The following NRXN1 variants were observed in gnomAD, a reference collection of about 807,000 sequenced individuals.
NRXN1 encodes the protein neurexin 1, also known as neurexin-1.
In NRXN1, 39 loss-of-function variants were observed where a neutral mutation model predicts 150.9. That is an observed-to-expected ratio of 0.26 (90% CI 0.20 to 0.34). The LOEUF (loss-of-function observed/expected upper bound fraction) is 0.34. NRXN1 is among the 10% of genes least tolerant of loss of function. NRXN1 has a pLI of 1.00. For synonymous variants in NRXN1, 924 were observed against 757.0 expected, an observed-to-expected ratio of 1.22 and a Z score of -3.62; for missense variants, 1,815 against 1,949.9, an observed-to-expected ratio of 0.93 and a Z score of 1.30.
intron 13 of NRXN1, among the ~76,000 whole-genome samples, chr2:50,500,194 A>G (rs1307685352): frequency 1.3e-5 from 2 of 152,164 alleles, no homozygotes; most frequent in Admixed American, 6.5e-5. Context: ...CTAAAAGAGG[A>G]AAGACCAGTT....
chr2:50,781,727 T>C lies in NRXN1; in HGVS notation c.832+140142A>G, dbSNP rs192321627. Among the ~76,000 whole-genome samples, 24 of 152,376 alleles carry C rather than the reference T, an allele frequency of 1.6e-4. No individual in the cohort carries two copies. The South Asian group carries it at 2.1e-3, about 13-fold the overall frequency. ...TAAATATCAAGTTATTCTGGTATGA[T>C]TGGAAAGTAAATTCATCTAAAAATA... is the stretch of plus-strand genomic sequence containing the variant. On this transcript the variant is annotated intron_variant, in intron 5 of 22. Transcript: ENST00000401669.
At position 50,087,320 on chromosome 2, in the gene NRXN1, A is replaced by G. The variant is rs1251841991; in HGVS notation, c.3718+4003T>C. ...AAATATTTGTTGATTTAATATGTTAACTTGAGTATAAAACGAACATTTGAC... is the reference window on the plus strand; with the variant it reads ...AAATATTTGTTGATTTAATATGTTAGCTTGAGTATAAAACGAACATTTGAC... On this transcript the variant is annotated intron_variant, in intron 19 of 22. Coordinates refer to ENST00000401669, the MANE Select transcript of NRXN1 (RefSeq NM_001330078.2). 2.0e-5 allele frequency among the ~76,000 whole-genome samples: 3 copies of G among 152,232 alleles called. No homozygotes were observed. The East Asian group carries it at 5.8e-4, about 29-fold the overall frequency.
intron 18 of NRXN1, among the ~76,000 whole-genome samples, chr2:50,105,569 C>T (rs1337654039): frequency 6.6e-6 from 1 of 151,892 alleles, no homozygotes; most frequent in Non-Finnish European, 1.5e-5. Flanking sequence ...GAAAGATGTG[C>T]CTCAAGCTTC....
At chr2:50,560,811 T>A (rs1435515976) in intron 8 of NRXN1, among the ~76,000 whole-genome samples, 1 of 152,130 alleles carries the variant, frequency 6.6e-6, no homozygotes. Context: ...GATCTTTTTT[T>A]CCCCTGATCT....
At chr2:50,228,536 G>T (rs1329651831) in intron 18 of NRXN1, among the ~76,000 whole-genome samples, 4 of 152,014 alleles carry the variant, frequency 2.6e-5, no homozygotes, top group Non-Finnish European at 4.4e-5. Context: ...TGAGTAAGCA[G>T]TTGGAAATAT....
intron 8 of NRXN1, among the ~76,000 whole-genome samples, chr2:50,560,607 T>C (rs915605974): frequency 2.0e-5 from 3 of 152,064 alleles, no homozygotes; most frequent in Non-Finnish European, 4.4e-5. Flanking sequence ...TAATTTTGGA[T>C]TTTTAGTAGA....
intron 5 of NRXN1, among the ~76,000 whole-genome samples, chr2:50,630,727 T>C (rs1682146984): frequency 6.6e-6 from 1 of 151,768 alleles, no homozygotes. Context: ...TCAAAGATTA[T>C]GTTCAACATA....
At chr2:50,469,507 A>C (rs1049357580) in intron 16 of NRXN1, among the ~76,000 whole-genome samples, 2 of 151,522 alleles carry the variant, frequency 1.3e-5, no homozygotes, top group African/African-American at 4.8e-5. Flanking sequence ...ATGGAGCCTA[A>C]GTGATTCCAG....
intron 8 of NRXN1, among the ~76,000 whole-genome samples, chr2:50,602,056 T>C (rs1046096722): frequency 2.6e-5 from 4 of 152,218 alleles, no homozygotes; most frequent in Non-Finnish European, 4.4e-5. Context: ...TTTTCTCATT[T>C]TAAATAAGAC....
intron 17 of NRXN1, among the ~76,000 whole-genome samples, chr2:50,258,508 C>T (rs986380887): frequency 6.6e-6 from 1 of 152,022 alleles, no homozygotes; most frequent in African/African-American, 2.4e-5. Flanking sequence ...GCTATTTCTA[C>T]CACATCTGTA....
chr2:50,581,320 A>C (rs764838342), intron 8 of NRXN1, among the ~76,000 whole-genome samples: 28 of 152,202 alleles, frequency 1.8e-4, no homozygotes, highest in Non-Finnish European at 3.2e-4. Context: ...GTATCTATGC[A>C]TGCCAAAACC....
At chr2:50,049,042 C>T (rs1271041735) in intron 21 of NRXN1, among the ~76,000 whole-genome samples, 1 of 152,058 alleles carries the variant, frequency 6.6e-6, no homozygotes, top group African/African-American at 2.4e-5. Context: ...ACAAATTTTG[C>T]TCTGAATATA....
At chr2:50,698,987 C>T (rs2104944322) in intron 5 of NRXN1, among the ~76,000 whole-genome samples, 1 of 152,238 alleles carries the variant, frequency 6.6e-6, no homozygotes, top group East Asian at 1.9e-4. Context: ...CCTATACTAC[C>T]AATTGACAAT....
At chr2:50,503,028 C>A (rs569007443) in intron 13 of NRXN1, among the ~76,000 whole-genome samples, 2 of 152,100 alleles carry the variant, frequency 1.3e-5, no homozygotes, top group Admixed American at 1.3e-4. Flanking sequence ...AAGAAAAGGG[C>A]CAGGCACGGT....
intron 2 of NRXN1, among the ~76,000 whole-genome samples, chr2:50,935,469 G>A (rs1047100464): frequency 1.3e-5 from 2 of 152,074 alleles, no homozygotes; most frequent in South Asian, 4.1e-4. Context: ...CAGTGGCTCA[G>A]GCCTATTATA....
Position 50,820,814 on chromosome 2 carries a change from T to C in NRXN1, c.832+101055A>G, listed in dbSNP as rs540768070. ...AAACCACTTACAGTGCCAATTTCAC[T>C]TGTCAAGCAATCAAACACTAAATAA... On this transcript the variant is annotated intron_variant, in intron 5 of 22. Coordinates refer to ENST00000401669, the MANE Select transcript of NRXN1 (RefSeq NM_001330078.2). Among the ~76,000 whole-genome samples, 16 of 152,214 alleles carry C rather than the reference T, an allele frequency of 1.1e-4. No individual in the cohort carries two copies. The South Asian group carries it at 3.3e-3, about 32-fold the overall frequency.
At chr2:50,607,399 A>G (rs1473548472) in intron 8 of NRXN1, among the ~76,000 whole-genome samples, 1 of 152,172 alleles carries the variant, frequency 6.6e-6, no homozygotes, top group African/African-American at 2.4e-5. Flanking sequence ...GGGACTCTTT[A>G]CAAAATTCAT....
intron 18 of NRXN1, among the ~76,000 whole-genome samples, chr2:50,192,505 G>A (rs980520502): frequency 6.6e-6 from 1 of 151,766 alleles, no homozygotes; most frequent in Non-Finnish European, 1.5e-5. Flanking sequence ...TTAGTAATTT[G>A]CATAGCAGGT....
intron 17 of NRXN1, among the ~76,000 whole-genome samples, chr2:50,382,751 G>A (rs980682095): frequency 1.3e-5 from 2 of 152,128 alleles, no homozygotes; most frequent in African/African-American, 2.4e-5. Context: ...AAGTCAGGAC[G>A]AGAAGAGATT....
Sources: gnomAD v4.1 joint callset for allele counts (sites outside exome capture counted in the v4.1 genomes callset) on GRCh38, gnomAD v4.1.1 for gene constraint, MANE v1.5 for transcripts, NCBI Gene and HGNC (gene_info 2026-07-23, HGNC 2026-07-21) for gene names.